The following CBX7 variants were observed in gnomAD, a reference collection of about 807,000 sequenced individuals.
The protein encoded by CBX7 is chromobox 7, also known as chromobox protein homolog 7.
A neutral mutation model predicts 31.4 loss-of-function variants in CBX7; 14 were observed. The observed-to-expected ratio is 0.45, with a 90% confidence interval of 0.29 to 0.70. The LOEUF (loss-of-function observed/expected upper bound fraction) is 0.70. CBX7 is among the 30% of genes least tolerant of loss of function. The pLI is 0.11. For missense variants in CBX7, 269 were observed against 351.9 expected, an observed-to-expected ratio of 0.76 and a Z score of 1.89; for synonymous variants, 159 against 152.6, an observed-to-expected ratio of 1.04 and a Z score of -0.31.
At chr22:39,143,966 G>A (rs919122959) in intron 2 of CBX7, among the ~76,000 whole-genome samples, 1 of 152,212 alleles carries the variant, frequency 6.6e-6, no homozygotes, top group African/African-American at 2.4e-5. Flanking sequence ...CAAAAGCAAA[G>A]CGATGCCCTA....
At position 39,134,390 on chromosome 22, in the gene CBX7, G is replaced by A; in HGVS notation, c.598+11C>T. The A allele has an allele frequency of 1.9e-6, 3 of 1,589,022 alleles. No individual in the cohort carries two copies. Among genetic ancestry groups the A allele is most frequent in the Non-Finnish European group, 2.6e-6 (3 of 1,174,492 alleles). Reference sequence around the variant, plus strand: ...CCAGCTCTGAGGGTCTCTGGGCTGGGGCCGCCTTACCCTCCTCTTCAGGGG... The same window carrying A: ...CCAGCTCTGAGGGTCTCTGGGCTGGAGCCGCCTTACCCTCCTCTTCAGGGG... On this transcript the variant is annotated intron_variant, in intron 5 of 5. Transcript: ENST00000216133.
In CBX7 at chr22:39,141,110, G is replaced by A. The variant is rs1739310125; in HGVS notation, c.179+261C>T. Reference sequence around the variant, plus strand: ...GGAAATGGGTGTACTCTTCAGGGTGGCCCATTTGACAGCAGAGAGACTGAG... The same window carrying A: ...GGAAATGGGTGTACTCTTCAGGGTGACCCATTTGACAGCAGAGAGACTGAG... On this transcript the variant is annotated intron_variant, in intron 3 of 5. Transcript: ENST00000216133. 2.1e-4 allele frequency: 97 copies of A among 459,508 alleles called. No homozygotes were observed. The South Asian group carries it at 2.2e-3, about 10-fold the overall frequency. The allele number at this position is 459,508 out of a possible 1,614,324, so 28.5% of individuals were successfully genotyped here.
chr22:39,143,504 T>C (rs1042087997), intron 2 of CBX7, among the ~76,000 whole-genome samples: 2 of 152,214 alleles, frequency 1.3e-5, no homozygotes, highest in Non-Finnish European at 2.9e-5. Context: ...GAAAAATATT[T>C]CTGTATAAAT....
At chr22:39,150,148 T>G (rs1653912207) in intron 1 of CBX7, among the ~76,000 whole-genome samples, 1 of 152,156 alleles carries the variant, frequency 6.6e-6, no homozygotes, top group East Asian at 1.9e-4. Flanking sequence ...CATGGAGGTG[T>G]GCATGCGTGG....
In CBX7 at chr22:39,131,875, C is replaced by G. The variant is rs1394576009; in HGVS notation, c.*2016G>C. 2 of 152,258 alleles carry G rather than the reference C, an allele frequency of 1.3e-5. No individual in the cohort carries two copies. The highest frequency in any genetic ancestry group is 2.9e-5 in the Non-Finnish European group (2 of 68,112). The allele number at this position is 152,258 out of a possible 1,614,324, so 9.4% of individuals were successfully genotyped here. A position where few individuals can be genotyped will look rare whatever the true frequency, so the allele number is the denominator to read the frequency against. On this transcript the variant is annotated 3_prime_UTR_variant, in exon 6 of 6. Coordinates refer to ENST00000216133, the MANE Select transcript of CBX7 (RefSeq NM_175709.5). ...GGGCCAAAACATTCAACTAGAGACCCCCCACAACCCTCTATCATCTTTACC... is the reference window on the plus strand; with the variant it reads ...GGGCCAAAACATTCAACTAGAGACCGCCCACAACCCTCTATCATCTTTACC...
At chr22:39,134,323 G>T in intron 5 of CBX7, 78 bp downstream of exon 5, 1 of 1,240,668 alleles carries the variant, frequency 8.1e-7, no homozygotes, top group Non-Finnish European at 1.1e-6. Context: ...GGCCCTCTTT[G>T]GACATTGAAC....
Position 39,152,303 on chromosome 22 carries a change from G to C in CBX7, c.69+73C>G. The C allele has an allele frequency of 9.7e-7, 1 of 1,028,264 alleles. No individual in the cohort carries two copies. The highest frequency in any genetic ancestry group is 1.3e-6 in the Non-Finnish European group (1 of 789,792). The allele number at this position is 1,028,264 out of a possible 1,614,324, so 63.7% of individuals were successfully genotyped here. Reference sequence around the variant, plus strand: ...CGCCCCGCTTTCCCCTTCAGCCCCAGCGTGGAGGGAGCGGTGCTGGGGACG... The same window carrying C: ...CGCCCCGCTTTCCCCTTCAGCCCCACCGTGGAGGGAGCGGTGCTGGGGACG... On this transcript the variant is annotated intron_variant, in intron 1 of 5. Transcript: ENST00000216133. This position sits in a 1 kb window ranked among gnomAD's most constrained non-coding sequence, Gnocchi z 4.9.
At position 39,131,730 on chromosome 22, in the gene CBX7, C is replaced by G. The variant is rs560057394; in HGVS notation, c.*2161G>C. 1.8e-4 allele frequency: 27 copies of G among 152,380 alleles called. No individual in the cohort carries two copies. The highest frequency in any genetic ancestry group is 6.3e-4 in the African/African-American group (26 of 41,568). 9.4% of individuals were successfully genotyped at this position (152,380 alleles called of 1,614,324 possible). A position where few individuals can be genotyped will look rare whatever the true frequency, so the allele number is the denominator to read the frequency against. ...CAGAAAGCCCCGTGAATCCACAGACCCACAGATTGCGCAAATAGTTCTTTG... is the reference window on the plus strand; with the variant it reads ...CAGAAAGCCCCGTGAATCCACAGACGCACAGATTGCGCAAATAGTTCTTTG... On this transcript the variant is annotated 3_prime_UTR_variant, in exon 6 of 6. Coordinates refer to ENST00000216133, the MANE Select transcript of CBX7 (RefSeq NM_175709.5).
At position 39,152,296 on chromosome 22, in the gene CBX7, AG is replaced by A. The variant is rs2146377604; in HGVS notation, c.69+79del. The A allele has an allele frequency of 1.1e-6, 1 of 945,352 alleles. No homozygotes were observed. The highest frequency in any genetic ancestry group is 4.5e-5 in the Admixed American group (1 of 22,284). The allele number at this position is 945,352 out of a possible 1,614,324, so 58.6% of individuals were successfully genotyped here. A position where few individuals can be genotyped will look rare whatever the true frequency, so the allele number is the denominator to read the frequency against. Reference sequence around the variant, plus strand: ...GCCCCCGCGCCCCGCTTTCCCCTTCAGCCCCAGCGTGGAGGGAGCGGTGCTG... The same window carrying A: ...GCCCCCGCGCCCCGCTTTCCCCTTCACCCCAGCGTGGAGGGAGCGGTGCTG... On this transcript the variant is annotated intron_variant, in intron 1 of 5. Transcript: ENST00000216133. The surrounding 1 kb of genome is among the most constrained non-coding windows in gnomAD (Gnocchi z 4.9).
At chr22:39,142,356 C>T (rs1364027978) in intron 2 of CBX7, among the ~76,000 whole-genome samples, 1 of 152,228 alleles carries the variant, frequency 6.6e-6, no homozygotes. Context: ...GCACCCCACC[C>T]AGGCCACAGC....
intron 1 of CBX7, among the ~76,000 whole-genome samples, chr22:39,150,128 G>C (rs761982247): frequency 2.6e-5 from 4 of 152,258 alleles, no homozygotes; most frequent in Non-Finnish European, 5.9e-5. Context: ...CACACTGGGA[G>C]CTGAGACTGC....
chr22:39,144,198 T>TG (rs1930560678), intron 2 of CBX7, among the ~76,000 whole-genome samples: 1 of 152,222 alleles, frequency 6.6e-6, no homozygotes, highest in South Asian at 2.1e-4. Flanking sequence ...TCTAACACTC[T>TG]GGCACACCCA....
Position 39,152,301 on chromosome 22 carries a change from C to A in CBX7, c.69+75G>T. 9.9e-7 allele frequency: 1 copy of A among 1,012,064 alleles called. No homozygotes were observed. Among genetic ancestry groups the A allele is most frequent in the Non-Finnish European group, 1.3e-6 (1 of 777,426 alleles). 62.7% of individuals were successfully genotyped at this position (1,012,064 alleles called of 1,614,324 possible). ...CGCGCCCCGCTTTCCCCTTCAGCCC[C>A]AGCGTGGAGGGAGCGGTGCTGGGGA... On this transcript the variant is annotated intron_variant, in intron 1 of 5. Coordinates refer to ENST00000216133, the MANE Select transcript of CBX7 (RefSeq NM_175709.5). This position sits in a 1 kb window ranked among gnomAD's most constrained non-coding sequence, Gnocchi z 4.9.
intron 2 of CBX7, chr22:39,149,563 A>C (rs1601567744): frequency 3.5e-6 from 2 of 572,740 alleles, no homozygotes; most frequent in African/African-American, 3.8e-5. Context: ...GGAGCTCAAC[A>C]CTCAGGAGGG....
At chr22:39,140,677 A>C (rs556962646) in intron 3 of CBX7, among the ~76,000 whole-genome samples, 1 of 152,350 alleles carries the variant, frequency 6.6e-6, no homozygotes, top group South Asian at 2.1e-4. Flanking sequence ...AATGGTCCCA[A>C]GCCGCACAAG....
intron 2 of CBX7, among the ~76,000 whole-genome samples, chr22:39,144,358 A>G (rs1266175029): frequency 4.6e-5 from 7 of 152,076 alleles, no homozygotes; most frequent in African/African-American, 1.2e-4. Flanking sequence ...AGGTATTTGT[A>G]GCCTTCCCTG....
chr22:39,149,709 G>A (rs112314602), intron 2 of CBX7, 80 bp downstream of exon 2: 3 of 1,207,732 alleles, frequency 2.5e-6, no homozygotes, highest in African/African-American at 3.0e-5. Context: ...AAGCTAGGCA[G>A]GGGAGGGGGC....
Position 39,134,583 on chromosome 22 carries a change from A to T in CBX7, c.416T>A (p.Leu139His). The T allele has an allele frequency of 1.9e-6, 3 of 1,597,836 alleles. No individual in the cohort carries two copies. The highest frequency in any genetic ancestry group is 1.7e-6 in the Non-Finnish European group (2 of 1,172,778). Residue 139 changes from leucine to histidine, a missense_variant, in exon 5 of 6, where the codon CTC (leucine) becomes CAC (histidine). By Grantham distance (99) the Leu-to-His change is moderately conservative (BLOSUM62 -3). Coordinates refer to ENST00000216133, the MANE Select transcript of CBX7 (RefSeq NM_175709.5). ...CTTGTGGGCCTTTCGGGGCTTGCGG[A>T]GCGGGAAGGGCAGGGTGGGCACCAA... ...GPLVPTLPFPLRKPRKAHKYL... is the reference protein window; with the variant it reads ...GPLVPTLPFPHRKPRKAHKYL...
chr22:39,137,243 C>A (rs1180981922), intron 4 of CBX7, among the ~76,000 whole-genome samples: 1 of 150,238 alleles, frequency 6.7e-6, no homozygotes, highest in Admixed American at 6.8e-5. Flanking sequence ...ATCCAAAAAT[C>A]TGAAATTTAG....
Sources: allele counts gnomAD v4.1 joint callset (sites outside exome capture counted in the v4.1 genomes callset), GRCh38; gene constraint gnomAD v4.1.1; non-coding constraint Gnocchi (gnomAD v3.1); transcripts MANE v1.5; gene names NCBI Gene and HGNC (gene_info 2026-07-23, HGNC 2026-07-21).